Variants in KSR2 observed in about 807,000 individuals in gnomAD.
The protein encoded by KSR2 is kinase suppressor of ras 2.
A neutral mutation model predicts 107.8 loss-of-function variants in KSR2; 25 were observed. The ratio of observed to expected loss-of-function variants is 0.23; its 90% CI spans 0.17 to 0.32. KSR2 has a LOEUF of 0.32. Among genes scored for constraint, KSR2 ranks in the 10% least tolerant of loss-of-function variants. The pLI, the probability that KSR2 is intolerant of heterozygous loss-of-function variation, is 1.00. For synonymous variants in KSR2, 480 were observed against 507.0 expected (o/e 0.95, Z 0.71); for missense variants, 887 against 1,268.9 (o/e 0.70, Z 4.57).
At chr12:117,767,117 G>C (rs1889259847) in intron 3 of KSR2, among the ~76,000 whole-genome samples, 1 of 150,878 alleles carries the variant, frequency 6.6e-6, no homozygotes, top group Non-Finnish European at 1.5e-5. Flanking sequence ...GTTATTTTGA[G>C]AGAGGAAAAA....
intron 5 of KSR2, among the ~76,000 whole-genome samples, chr12:117,658,945 A>G (rs1014753098): frequency 4.6e-5 from 7 of 152,190 alleles, no homozygotes; most frequent in African/African-American, 1.7e-4. Context: ...CTCTCTTGGT[A>G]CGTCAGTTTT....
intron 1 of KSR2, among the ~76,000 whole-genome samples, chr12:117,916,522 A>G (rs1895180839): frequency 6.6e-6 from 1 of 152,220 alleles, no homozygotes; most frequent in South Asian, 2.1e-4. Context: ...CCTGCTTTAT[A>G]AAGCAATACT....
At chr12:117,595,458 G>A (rs919441947) in intron 5 of KSR2, among the ~76,000 whole-genome samples, 1 of 139,112 alleles carries the variant, frequency 7.2e-6, no homozygotes, top group South Asian at 2.3e-4. Flanking sequence ...TCCGCTTCCC[G>A]GGTTCACGCC....
intron 5 of KSR2, among the ~76,000 whole-genome samples, chr12:117,593,793 CT>C (rs1459890876): frequency 3.9e-5 from 6 of 152,218 alleles, no homozygotes; most frequent in Admixed American, 6.5e-5. Context: ...TTGTTTTTAG[CT>C]TTTCTTAGCT....
At chr12:117,938,589 C>CAAA (rs201839934) in intron 1 of KSR2, among the ~76,000 whole-genome samples, 1 of 131,900 alleles carries the variant, frequency 7.6e-6, no homozygotes, top group African/African-American at 2.6e-5. Flanking sequence ...TAAATAAAGG[C>CAAA]AAAAAAAAAA....
At chr12:117,727,991 G>A (rs1472712886) in intron 4 of KSR2, among the ~76,000 whole-genome samples, 3 of 152,170 alleles carry the variant, frequency 2.0e-5, no homozygotes, top group Non-Finnish European at 2.9e-5. Flanking sequence ...TGGCATTTAC[G>A]TGAAGTTCTG....
chr12:117,734,748 GCATGC>G (rs1887874790), intron 4 of KSR2, among the ~76,000 whole-genome samples: 1 of 151,610 alleles, frequency 6.6e-6, no homozygotes, highest in African/African-American at 2.4e-5. Context: ...ATGCATGCAT[GCATGC>G]ATGGATGGAT....
At chr12:117,744,652 A>C (rs1222749001) in intron 4 of KSR2, among the ~76,000 whole-genome samples, 1 of 152,212 alleles carries the variant, frequency 6.6e-6, no homozygotes, top group Non-Finnish European at 1.5e-5. Context: ...GCATGGAAGC[A>C]CTTAGAGCCT....
At chr12:117,557,741 C>T (rs1472078090) in intron 8 of KSR2, among the ~76,000 whole-genome samples, 1 of 152,100 alleles carries the variant, frequency 6.6e-6, no homozygotes, top group Non-Finnish European at 1.5e-5. Context: ...CTAGTAGCTA[C>T]TGTATTGGGG....
intron 10 of KSR2, among the ~76,000 whole-genome samples, chr12:117,537,261 C>T (rs1190312028): frequency 2.0e-5 from 3 of 152,270 alleles, no homozygotes; most frequent in African/African-American, 7.2e-5. Flanking sequence ...GCCAAATTAC[C>T]TTCCCCAAAT....
chr12:117,472,245 A>T (rs1370238034), intron 17 of KSR2, among the ~76,000 whole-genome samples: 1 of 152,214 alleles, frequency 6.6e-6, no homozygotes, highest in East Asian at 1.9e-4. Context: ...AGAGGGATTT[A>T]CCACATTATT....
At chr12:117,935,180 G>C (rs1895802768) in intron 1 of KSR2, among the ~76,000 whole-genome samples, 1 of 151,750 alleles carries the variant, frequency 6.6e-6, no homozygotes, top group Non-Finnish European at 1.5e-5. Flanking sequence ...CTGTTGCCCA[G>C]GCTAGAGTGC....
At chr12:117,563,017 G>A (rs1878225763) in intron 7 of KSR2, among the ~76,000 whole-genome samples, 1 of 152,108 alleles carries the variant, frequency 6.6e-6, no homozygotes, top group African/African-American at 2.4e-5. Flanking sequence ...GAGGGAAGAG[G>A]GACCACAGCA....
At chr12:117,606,708 CCTT>C (rs1371448324) in intron 5 of KSR2, among the ~76,000 whole-genome samples, 7 of 146,718 alleles carry the variant, frequency 4.8e-5, no homozygotes, top group African/African-American at 1.5e-4. Context: ...TTCTTCCTCC[CCTT>C]CTTCCTCCCT....
At chr12:117,901,994 GA>G (rs1389069921) in intron 1 of KSR2, among the ~76,000 whole-genome samples, 1 of 152,188 alleles carries the variant, frequency 6.6e-6, no homozygotes, top group Non-Finnish European at 1.5e-5. Context: ...GGCTCTAGGA[GA>G]AACTGTCAAA....
chr12:117,916,047 G>A (rs771792511), intron 1 of KSR2, among the ~76,000 whole-genome samples: 7 of 151,376 alleles, frequency 4.6e-5, no homozygotes, highest in African/African-American at 1.5e-4. Context: ...ACTAGGACAC[G>A]TGAAATTTTG....
chr12:117,754,533 G>C (rs1245780360), intron 4 of KSR2, among the ~76,000 whole-genome samples: 2 of 152,134 alleles, frequency 1.3e-5, no homozygotes. Flanking sequence ...AGCTGCTCAG[G>C]AGGCTGAGGC....
intron 1 of KSR2, among the ~76,000 whole-genome samples, chr12:117,927,068 AT>A (rs1001615986): frequency 6.6e-6 from 1 of 151,996 alleles, no homozygotes; most frequent in Non-Finnish European, 1.5e-5. Context: ...TCATTATATA[AT>A]TTTTTTAAAA....
rs1468318238 is a variant in KSR2, at chr12:117,907,299, T to C, written c.181-46868A>G. On this transcript the variant is annotated intron_variant, in intron 1 of 19. Coordinates refer to ENST00000339824, the MANE Select transcript of KSR2 (RefSeq NM_173598.6). The surrounding 1 kb of genome is among the most constrained non-coding windows in gnomAD (Gnocchi z 4.3). ...CGTTCTGGATGGGGGCGTCCTGACA[T>C]GCTGACGCCACAGAGATGAAACAGG... 6.6e-6 allele frequency among the ~76,000 whole-genome samples: 1 copy of C among 152,194 alleles called. No individual in the cohort carries two copies. The highest frequency in any genetic ancestry group is 1.5e-5 in the Non-Finnish European group (1 of 68,036).
Sources: gnomAD v4.1 joint callset for allele counts (sites outside exome capture counted in the v4.1 genomes callset) on GRCh38, gnomAD v4.1.1 for gene constraint, Gnocchi (gnomAD v3.1) non-coding constraint, MANE v1.5 for transcripts, NCBI Gene and HGNC (gene_info 2026-07-23, HGNC 2026-07-21) for gene names.